GPR146: variants seen among roughly 807,000 people sequenced by gnomAD.
GPR146 encodes the protein G protein-coupled receptor 146.
For missense variants in GPR146, 381 were observed against 213.9 expected, an observed-to-expected ratio of 1.78 and a Z score of -4.87; for synonymous variants, 203 against 104.3, an observed-to-expected ratio of 1.95 and a Z score of -5.77.
chr7:1,057,735 C>T lies in GPR146; in HGVS notation c.220C>T (p.Leu74=), dbSNP rs756798288. Residue 74 remains leucine, a synonymous_variant, in exon 2 of 2, where the codon CTG becomes TTG. Coordinates refer to ENST00000444847, the MANE Select transcript of GPR146 (RefSeq NM_001303473.2). ...VYFVNMAVAG[L]VLSALAPVHL... Reference sequence around the variant, plus strand: ...CTTTGTCAACATGGCAGTGGCAGGCCTGGTGCTCAGCGCCCTGGCCCCTGT... The same window carrying T: ...CTTTGTCAACATGGCAGTGGCAGGCTTGGTGCTCAGCGCCCTGGCCCCTGT... The T allele has an allele frequency of 5.2e-6, 4 of 775,618 alleles. No homozygotes were observed. In the South Asian group the frequency reaches 5.4e-5, roughly 10 times the overall value. 48.0% of individuals were successfully genotyped at this position (775,618 alleles called of 1,614,324 possible). A position where few individuals can be genotyped will look rare whatever the true frequency, so the allele number is the denominator to read the frequency against.
At position 1,052,367 on chromosome 7, in the gene GPR146, G is replaced by A. The variant is rs911220212; in HGVS notation, c.-24-5125G>A. 6.6e-6 allele frequency among the ~76,000 whole-genome samples: 1 copy of A among 152,230 alleles called. No individual in the cohort carries two copies. The highest frequency in any genetic ancestry group is 2.4e-5 in the African/African-American group (1 of 41,470). ...GGAGGGCCTTGGGGCTGCTTGTGCT[G>A]GCACCGACGTGGGCCTGGGGAGGGA... is the stretch of plus-strand genomic sequence containing the variant. On this transcript the variant is annotated intron_variant, in intron 1 of 1. Coordinates refer to ENST00000444847, the MANE Select transcript of GPR146 (RefSeq NM_001303473.2). The surrounding 1 kb of genome is among the most constrained non-coding windows in gnomAD (Gnocchi z 4.2).
chr7:1,051,558 G>C (rs1783113765), intron 1 of GPR146, among the ~76,000 whole-genome samples: 1 of 152,250 alleles, frequency 6.6e-6, no homozygotes, highest in Admixed American at 6.5e-5. Flanking sequence ...CCTTGAAGCT[G>C]TAAAGACCTC....
intron 1 of GPR146, among the ~76,000 whole-genome samples, chr7:1,046,105 C>T (rs1307360481): frequency 6.6e-6 from 1 of 152,246 alleles, no homozygotes; most frequent in Admixed American, 6.5e-5. Flanking sequence ...CAATGGCATA[C>T]TGCACAGATC....
At chr7:1,049,741 C>T (rs1488881394) in intron 1 of GPR146, among the ~76,000 whole-genome samples, 3 of 152,154 alleles carry the variant, frequency 2.0e-5, no homozygotes, top group Non-Finnish European at 2.9e-5. Flanking sequence ...GTCAAGGCAG[C>T]GGCTGGAATC....
At position 1,052,623 on chromosome 7, in the gene GPR146, G is replaced by C. The variant is rs1783238064; in HGVS notation, c.-24-4869G>C. 6.6e-6 allele frequency among the ~76,000 whole-genome samples: 1 copy of C among 152,128 alleles called. No homozygotes were observed. The highest frequency in any genetic ancestry group is 2.4e-5 in the African/African-American group (1 of 41,402). On this transcript the variant is annotated intron_variant, in intron 1 of 1. Transcript: ENST00000444847. This position sits in a 1 kb window ranked among gnomAD's most constrained non-coding sequence, Gnocchi z 4.2. The stretch of plus-strand genomic sequence containing the variant: ...GGAGAAGCTGGTGGTCAAGCTGGTG[G>C]TCTCTCAGTGCAAGGGTGGGGCTGG...
intron 1 of GPR146, chr7:1,055,619 C>T (rs191940959): frequency 5.3e-4 from 184 of 346,240 alleles, no homozygotes; most frequent in African/African-American, 3.5e-3. Context: ...ACAGTGCCAC[C>T]GGTGGACATC....
At chr7:1,057,053 AG>A (rs1416967445) in intron 1 of GPR146, among the ~76,000 whole-genome samples, 2 of 149,012 alleles carry the variant, frequency 1.3e-5, no homozygotes, top group East Asian at 4.2e-4. Context: ...AGCTGCCGGG[AG>A]GGAGGGAGGG....
At chr7:1,047,470 G>C (rs889410220) in intron 1 of GPR146, among the ~76,000 whole-genome samples, 12 of 152,238 alleles carry the variant, frequency 7.9e-5, no homozygotes, top group Non-Finnish European at 2.9e-5. Context: ...ATCAGTGTGC[G>C]TAAGCTCTCC....
At chr7:1,056,873 T>TG (rs1783843392) in intron 1 of GPR146, 1 of 7,104 alleles carries the variant, frequency 1.4e-4, no homozygotes, top group South Asian at 6.7e-3. Flanking sequence ...GGTGGGGGGG[T>TG]GGGGGTGGCG....
At chr7:1,046,676 A>G (rs1029917456) in intron 1 of GPR146, among the ~76,000 whole-genome samples, 2 of 152,142 alleles carry the variant, frequency 1.3e-5, no homozygotes, top group East Asian at 1.9e-4. Flanking sequence ...CTCCGTGTGC[A>G]AACAAAATAC....
chr7:1,058,878 G>A lies in GPR146; in HGVS notation c.*361G>A, dbSNP rs1784171727. On this transcript the variant is annotated 3_prime_UTR_variant, in exon 2 of 2. Transcript: ENST00000444847. ...TGGTTAAAATACTTGATTCCCCCTT[G>A]TTTGTTTTACAAAAACAGATGTTTC... The A allele has an allele frequency of 4.5e-6, 1 of 222,674 alleles. No individual in the cohort carries two copies. The highest frequency in any genetic ancestry group is 5.2e-5 in the Admixed American group (1 of 19,312). 13.8% of individuals were successfully genotyped at this position (222,674 alleles called of 1,614,324 possible).
intron 1 of GPR146, among the ~76,000 whole-genome samples, chr7:1,047,144 CAAAA>C (rs1418000317): frequency 6.6e-6 from 1 of 152,198 alleles, no homozygotes; most frequent in East Asian, 1.9e-4. Flanking sequence ...GCCAAGTAAA[CAAAA>C]GAATGCTGTT....
intron 1 of GPR146, among the ~76,000 whole-genome samples, chr7:1,053,266 G>A (rs1043219701): frequency 6.6e-5 from 10 of 152,390 alleles, no homozygotes; most frequent in African/African-American, 1.9e-4. Context: ...CAGGCACATG[G>A]GGCCCAGGCC....
chr7:1,058,462 G>T lies in GPR146; in HGVS notation c.947G>T (p.Cys316Phe), dbSNP rs372298347. The T allele has an allele frequency of 2.6e-6, 2 of 780,340 alleles. No individual in the cohort carries two copies. The highest frequency in any genetic ancestry group is 4.8e-6 in the Non-Finnish European group (2 of 418,148). 48.3% of individuals were successfully genotyped at this position (780,340 alleles called of 1,614,324 possible). ...CAACGGCTGATGAAAAAGCTGCCCT[G>T]CGGGGACCGGCACTGCTCCCCGGAC... ...KLQRLMKKLP[C>F]GDRHCSPDHM... The change falls in exon 2 of 2, where the codon TGC becomes TTC. Residue 316 changes from cysteine to phenylalanine, a missense_variant. Cys to Phe is a radical substitution (Grantham distance 205). Coordinates refer to ENST00000444847, the MANE Select transcript of GPR146 (RefSeq NM_001303473.2).
At chr7:1,054,455 G>A (rs1448363118) in intron 1 of GPR146, among the ~76,000 whole-genome samples, 1 of 152,242 alleles carries the variant, frequency 6.6e-6, no homozygotes, top group African/African-American at 2.4e-5. Flanking sequence ...GCGTTCCCAG[G>A]TCCCGGCTGG....
At chr7:1,051,239 C>A (rs946880172) in intron 1 of GPR146, among the ~76,000 whole-genome samples, 6 of 152,262 alleles carry the variant, frequency 3.9e-5, no homozygotes, top group Non-Finnish European at 5.9e-5. Context: ...TGTGTCCCAA[C>A]CCCGGTCCTC....
intron 1 of GPR146, among the ~76,000 whole-genome samples, chr7:1,044,977 C>T (rs1240401009): frequency 6.6e-6 from 1 of 152,278 alleles, no homozygotes; most frequent in Non-Finnish European, 1.5e-5. Context: ...ACCACTGATC[C>T]TGCTCTCCTG....
At chr7:1,048,078 G>T (rs1384502011) in intron 1 of GPR146, among the ~76,000 whole-genome samples, 1 of 152,174 alleles carries the variant, frequency 6.6e-6, no homozygotes, top group Admixed American at 6.5e-5. Context: ...GTGGTCAGGG[G>T]TGGGTTCCCG....
intron 1 of GPR146, chr7:1,055,150 T>C: frequency 2.3e-6 from 1 of 438,472 alleles, no homozygotes; most frequent in Non-Finnish European, 4.7e-6. Context: ...AGGCCAGCTG[T>C]GCTCAGTTTG....
Sources: gnomAD v4.1 joint callset for allele counts (sites outside exome capture counted in the v4.1 genomes callset) on GRCh38, gnomAD v4.1.1 for gene constraint, Gnocchi (gnomAD v3.1) non-coding constraint, MANE v1.5 for transcripts, NCBI Gene and HGNC (gene_info 2026-07-23, HGNC 2026-07-21) for gene names.